Variants in LSAMP observed in about 807,000 individuals in gnomAD.
LSAMP encodes limbic system associated membrane protein.
LSAMP carries 7 observed loss-of-function variants against 38.6 expected under a neutral mutation model. The observed-to-expected ratio is 0.18, with a 90% CI of 0.10 to 0.34. The LOEUF is 0.34. Among genes scored for constraint, LSAMP ranks in the 10% least tolerant of loss-of-function variants. The pLI is 1.00. For missense variants in LSAMP, 313 were observed against 420.0 expected, an observed-to-expected ratio of 0.75 and a Z score of 2.23; for synonymous variants, 154 against 166.8, an observed-to-expected ratio of 0.92 and a Z score of 0.59.
chr3:115,969,611 A>T (rs553480463), intron 3 of LSAMP, among the ~76,000 whole-genome samples: 1 of 152,214 alleles, frequency 6.6e-6, no homozygotes, highest in South Asian at 2.1e-4. Flanking sequence ...CACTGCTACT[A>T]CCTTCACCAC....
chr3:116,258,347 A>C (rs940352116), intron 1 of LSAMP, among the ~76,000 whole-genome samples: 8 of 151,834 alleles, frequency 5.3e-5, no homozygotes, highest in Non-Finnish European at 1.0e-4. Flanking sequence ...TATTACCAAC[A>C]ACTTATTTAA....
At chr3:116,047,385 A>C (rs1288628616) in intron 2 of LSAMP, among the ~76,000 whole-genome samples, 2 of 151,636 alleles carry the variant, frequency 1.3e-5, no homozygotes, top group Admixed American at 6.6e-5. Flanking sequence ...AAAAAAAAAA[A>C]AAAAACAAAA....
intron 1 of LSAMP, among the ~76,000 whole-genome samples, chr3:116,093,206 G>T (rs538596471): frequency 6.6e-6 from 1 of 152,262 alleles, no homozygotes; most frequent in Admixed American, 6.5e-5. Flanking sequence ...ACAATATCTG[G>T]AGACATTTTT....
At chr3:116,154,393 G>A (rs1418691430) in intron 1 of LSAMP, among the ~76,000 whole-genome samples, 1 of 152,088 alleles carries the variant, frequency 6.6e-6, no homozygotes, top group Non-Finnish European at 1.5e-5. Context: ...AGCAAAATCA[G>A]TTGCCCAAGA....
intron 2 of LSAMP, among the ~76,000 whole-genome samples, chr3:116,060,617 G>A (rs60245217): frequency 0.056 from 8,488 of 152,148 alleles, 771 homozygotes; most frequent in African/African-American, 0.19. Flanking sequence ...AAAATTAGCC[G>A]GACATGGTGG....
At chr3:116,282,532 T>C (rs1002923090) in intron 1 of LSAMP, among the ~76,000 whole-genome samples, 1 of 152,276 alleles carries the variant, frequency 6.6e-6, no homozygotes, top group Admixed American at 6.5e-5. Flanking sequence ...AGTGTAGCAG[T>C]AATAGGAAAC....
At chr3:116,142,249 A>G (rs1472774228) in intron 1 of LSAMP, among the ~76,000 whole-genome samples, 3 of 152,050 alleles carry the variant, frequency 2.0e-5, no homozygotes, top group African/African-American at 7.2e-5. Context: ...CTAGAGATTT[A>G]TTTTGCATTT....
chr3:116,067,997 A>G (rs1707503310), intron 2 of LSAMP, among the ~76,000 whole-genome samples: 3 of 152,178 alleles, frequency 2.0e-5, no homozygotes, highest in Non-Finnish European at 4.4e-5. Context: ...AATGGGAAGG[A>G]GTATGAAAAA....
chr3:116,036,970 T>C (rs1941061674), intron 2 of LSAMP, among the ~76,000 whole-genome samples: 1 of 152,170 alleles, frequency 6.6e-6, no homozygotes, highest in Non-Finnish European at 1.5e-5. Flanking sequence ...TTGGTATCTT[T>C]TGTACCTGCA....
intron 1 of LSAMP, among the ~76,000 whole-genome samples, chr3:116,181,500 G>A (rs1710484024): frequency 6.6e-6 from 1 of 151,984 alleles, no homozygotes; most frequent in Non-Finnish European, 1.5e-5. Flanking sequence ...TGTCTATAAT[G>A]ACTTAGGACA....
chr3:115,950,386 T>G (rs1295142693), intron 3 of LSAMP, among the ~76,000 whole-genome samples: 1 of 151,994 alleles, frequency 6.6e-6, no homozygotes, highest in African/African-American at 2.4e-5. Context: ...TTCAGTAAAG[T>G]CTCAGGATAC....
chr3:115,901,432 C>T (rs1246017514), intron 3 of LSAMP, among the ~76,000 whole-genome samples: 1 of 152,126 alleles, frequency 6.6e-6, no homozygotes, highest in Admixed American at 6.6e-5. Flanking sequence ...GTCCAGATTA[C>T]AGATACCTAT....
chr3:115,867,194 C>T (rs763086874), intron 3 of LSAMP, among the ~76,000 whole-genome samples: 5 of 151,952 alleles, frequency 3.3e-5, no homozygotes, highest in Non-Finnish European at 5.9e-5. Flanking sequence ...CATTAATGCT[C>T]AGTTTTTCAG....
In LSAMP at chr3:116,059,522, A is replaced by G. The variant is rs150526176; in HGVS notation, c.388+26802T>C. ...CTGAGCTATCTTCCTTTTTCTGCCAACATTTTCCACACCAAACACCATGGT... is the reference window on the plus strand; with the variant it reads ...CTGAGCTATCTTCCTTTTTCTGCCAGCATTTTCCACACCAAACACCATGGT... On this transcript the variant is annotated intron_variant, in intron 2 of 6. Transcript: ENST00000490035. 2.0e-4 allele frequency among the ~76,000 whole-genome samples: 31 copies of G among 152,218 alleles called. No homozygotes were observed. In the East Asian group the frequency reaches 6.0e-3, roughly 29 times the overall value.
At chr3:116,014,214 T>C (rs1047717886) in intron 3 of LSAMP, among the ~76,000 whole-genome samples, 4 of 152,186 alleles carry the variant, frequency 2.6e-5, no homozygotes, top group Admixed American at 6.6e-5. Flanking sequence ...GGTGTGTGTA[T>C]TAGTTTAATG....
Position 116,027,955 on chromosome 3 carries a change from G to T in LSAMP, c.389-8315C>A, listed in dbSNP as rs769202194. The stretch of plus-strand genomic sequence containing the variant: ...ATTGTTCATTCAAAGATGGGGCAAG[G>T]TGTATACACTACTGTGTATGTGGTG... On this transcript the variant is annotated intron_variant, in intron 2 of 6. Coordinates refer to ENST00000490035, the MANE Select transcript of LSAMP (RefSeq NM_002338.5). Among the ~76,000 whole-genome samples the T allele has an allele frequency of 3.3e-5, 5 of 152,258 alleles. No individual in the cohort carries two copies. In the East Asian group the frequency reaches 9.6e-4, roughly 29 times the overall value.
Position 116,103,177 on chromosome 3 carries a change from C to G in LSAMP, c.156-16621G>C, listed in dbSNP as rs951820760. Among the ~76,000 whole-genome samples the G allele has an allele frequency of 2.0e-5, 3 of 152,016 alleles. No individual in the cohort carries two copies. The East Asian group carries it at 5.8e-4, about 29-fold the overall frequency. Reference sequence around the variant, plus strand: ...GACTAGAATATACTGATATAATAGACAGTGTAGACTGGGCACAGTGGCTCA... The same window carrying G: ...GACTAGAATATACTGATATAATAGAGAGTGTAGACTGGGCACAGTGGCTCA... On this transcript the variant is annotated intron_variant, in intron 1 of 6. Transcript: ENST00000490035.
chr3:115,848,442 A>G (rs1272413639), intron 4 of LSAMP, among the ~76,000 whole-genome samples: 4 of 152,250 alleles, frequency 2.6e-5, no homozygotes, highest in South Asian at 2.1e-4. Context: ...ACAAACAAAA[A>G]AGTTATTTTC....
intron 3 of LSAMP, among the ~76,000 whole-genome samples, chr3:115,890,943 C>T (rs975485768): frequency 5.9e-5 from 9 of 151,770 alleles, no homozygotes; most frequent in Admixed American, 2.0e-4. Flanking sequence ...GTAAAAATAC[C>T]GACATTTTCC....
Sources: allele counts gnomAD v4.1 joint callset (sites outside exome capture counted in the v4.1 genomes callset), GRCh38; gene constraint gnomAD v4.1.1; transcripts MANE v1.5; gene names NCBI Gene and HGNC (gene_info 2026-07-23, HGNC 2026-07-21).